ZNF679: variants seen among roughly 807,000 people sequenced by gnomAD.
ZNF679 encodes the protein zinc finger protein 679.
A neutral mutation model predicts 13.4 loss-of-function variants in ZNF679; 10 were observed. The observed-to-expected ratio is 0.75, with a 90% CI of 0.46 to 1.27. The LOEUF is 1.27. Among genes scored for constraint, ZNF679 ranks in the 50% most tolerant of loss-of-function variants. ZNF679 has a pLI of 0.00. For synonymous variants in ZNF679, 179 were observed against 162.5 expected (o/e 1.10, Z -0.77); for missense variants, 525 against 477.8 (o/e 1.10, Z -0.92).
At chr7:64,246,593 T>C (rs768660739) in intron 1 of ZNF679, among the ~76,000 whole-genome samples, 4 of 151,980 alleles carry the variant, frequency 2.6e-5, no homozygotes, top group Admixed American at 2.0e-4. Flanking sequence ...CATGGTGGTG[T>C]GCACCTGTAA....
intron 2 of ZNF679, among the ~76,000 whole-genome samples, chr7:64,252,442 C>T (rs552622588): frequency 7.9e-5 from 12 of 152,192 alleles, no homozygotes; most frequent in African/African-American, 2.2e-4. Flanking sequence ...TGCATTTACC[C>T]TTTTGTTTTT....
chr7:64,248,015 C>T lies in ZNF679; in HGVS notation c.-90-1013C>T, dbSNP rs535672861. Among the ~76,000 whole-genome samples the T allele has an allele frequency of 5.9e-5, 9 of 152,106 alleles. No individual in the cohort carries two copies. In the East Asian group the frequency reaches 1.6e-3, roughly 26 times the overall value. On this transcript the variant is annotated intron_variant, in intron 1 of 4. Transcript: ENST00000421025. The stretch of plus-strand genomic sequence containing the variant: ...TGCTATAAACAAATACCTCAGACTG[C>T]GTACTTTTTTTTTAAGTGGTTTAAT...
chr7:64,244,245 A>G (rs997526235), intron 1 of ZNF679, among the ~76,000 whole-genome samples: 1 of 152,102 alleles, frequency 6.6e-6, no homozygotes, highest in Non-Finnish European at 1.5e-5. Flanking sequence ...GCGAGACTCC[A>G]TCTCACAAAA....
chr7:64,245,877 G>C (rs546793359), intron 1 of ZNF679, among the ~76,000 whole-genome samples: 11 of 152,236 alleles, frequency 7.2e-5, no homozygotes, highest in African/African-American at 2.6e-4. Context: ...GTGGTGGTGG[G>C]TGCCTGTAAT....
chr7:64,238,269 C>CA (rs1176654162), intron 1 of ZNF679, among the ~76,000 whole-genome samples: 1 of 152,168 alleles, frequency 6.6e-6, no homozygotes, highest in African/African-American at 2.4e-5. Flanking sequence ...TTCCACCCTC[C>CA]ATTCTGCCCT....
In ZNF679 at chr7:64,266,739, C is replaced by T. The variant is rs1376883609; in HGVS notation, c.1106C>T (p.Thr369Ile). ...KAFAFSSTLN[T>I]HKRIHTGEEP... ...TTTGCCTTCTCCTCAACTCTTAATA[C>T]TCATAAGAGGATTCATACTGGAGAG... Residue 369 changes from threonine (T) to isoleucine (I), a missense_variant, in exon 5 of 5, where the codon ACT becomes ATT. Transcript: ENST00000421025. The T allele has an allele frequency of 6.2e-7, 1 of 1,610,424 alleles. No homozygotes were observed. Among genetic ancestry groups the T allele is most frequent in the East Asian group, 2.2e-5 (1 of 44,504 alleles).
At chr7:64,263,160 T>A (rs1275531120) in intron 4 of ZNF679, among the ~76,000 whole-genome samples, 1 of 152,166 alleles carries the variant, frequency 6.6e-6, no homozygotes, top group African/African-American at 2.4e-5. Flanking sequence ...AGCACAGTCT[T>A]GGCTTACTGC....
intron 4 of ZNF679, among the ~76,000 whole-genome samples, chr7:64,264,835 A>G (rs1002451046): frequency 6.6e-6 from 1 of 151,624 alleles, no homozygotes; most frequent in Non-Finnish European, 1.5e-5. Context: ...TGTGTTATGG[A>G]TCTTTTTGTG....
chr7:64,260,997 TTAAAA>T, intron 4 of ZNF679, 68 bp downstream of exon 4: 1 of 1,468,254 alleles, frequency 6.8e-7, no homozygotes, highest in Non-Finnish European at 9.2e-7. Flanking sequence ...AAGCCAGTCC[TTAAAA>T]TGTGATTTGG....
intron 3 of ZNF679, among the ~76,000 whole-genome samples, 177 bp downstream of exon 3, chr7:64,260,524 T>C (rs1403194670): frequency 6.6e-6 from 1 of 152,166 alleles, no homozygotes; most frequent in Non-Finnish European, 1.5e-5. Flanking sequence ...ACCTGAACTT[T>C]TCCCTTTCCT....
intron 1 of ZNF679, among the ~76,000 whole-genome samples, chr7:64,247,488 CAT>C (rs1187763318): frequency 4.8e-4 from 73 of 152,206 alleles, no homozygotes; most frequent in African/African-American, 1.7e-3. Flanking sequence ...ATACTAATCA[CAT>C]ATTAAAATAA....
In ZNF679 at chr7:64,266,919, C is replaced by T; in HGVS notation, c.*50C>T. On this transcript the variant is annotated 3_prime_UTR_variant, in exon 5 of 5. Coordinates refer to ENST00000421025, the MANE Select transcript of ZNF679 (RefSeq NM_153363.3). ...CTTATAATACATAAAATAATTTATA[C>T]TTGAAAAAATCACTACAAGTGTAAA... 1 of 1,460,826 alleles carries T rather than the reference C, an allele frequency of 6.8e-7. No homozygotes were observed. Among genetic ancestry groups the T allele is most frequent in the East Asian group, 2.5e-5 (1 of 40,344 alleles). The allele number at this position is 1,460,826 out of a possible 1,614,324, so 90.5% of individuals were successfully genotyped here. A position where few individuals can be genotyped will look rare whatever the true frequency, so the allele number is the denominator to read the frequency against.
At chr7:64,242,483 G>A (rs545823789) in intron 1 of ZNF679, among the ~76,000 whole-genome samples, 44 of 152,238 alleles carry the variant, frequency 2.9e-4, no homozygotes, top group Non-Finnish European at 5.0e-4. Context: ...TTAGGTCCAG[G>A]TAAGGGAGTC....
chr7:64,234,120 G>C (rs753673520), intron 1 of ZNF679, among the ~76,000 whole-genome samples: 3 of 152,174 alleles, frequency 2.0e-5, no homozygotes, highest in African/African-American at 7.2e-5. Flanking sequence ...CCGGGCTGCC[G>C]TGAGACCTAA....
chr7:64,265,360 A>G (rs1788129448), intron 4 of ZNF679, among the ~76,000 whole-genome samples: 1 of 152,164 alleles, frequency 6.6e-6, no homozygotes. Context: ...ACCAGTAGGT[A>G]GCTACTTTCC....
intron 1 of ZNF679, among the ~76,000 whole-genome samples, chr7:64,231,271 A>G (rs572406355): frequency 2.0e-5 from 3 of 152,324 alleles, no homozygotes; most frequent in African/African-American, 7.2e-5. Flanking sequence ...GTTGGGCTTA[A>G]GTGTATGTCA....
intron 2 of ZNF679, among the ~76,000 whole-genome samples, chr7:64,250,109 T>G (rs906212801): frequency 6.6e-6 from 1 of 152,124 alleles, no homozygotes; most frequent in Non-Finnish European, 1.5e-5. Flanking sequence ...ACCAAAGTGC[T>G]GGGATTACAG....
chr7:64,261,827 A>G (rs1788081120), intron 4 of ZNF679, among the ~76,000 whole-genome samples: 1 of 148,960 alleles, frequency 6.7e-6, no homozygotes, highest in African/African-American at 2.5e-5. Flanking sequence ...TTTTATTAAA[A>G]TTTAGTTTAA....
chr7:64,257,171 C>T (rs889988002), intron 2 of ZNF679, among the ~76,000 whole-genome samples: 4 of 152,270 alleles, frequency 2.6e-5, no homozygotes, highest in Admixed American at 2.6e-4. Flanking sequence ...GTAATTATAA[C>T]ATCAGGTTTG....
Sources: gnomAD v4.1 joint callset for allele counts (sites outside exome capture counted in the v4.1 genomes callset) on GRCh38, gnomAD v4.1.1 for gene constraint, MANE v1.5 for transcripts, NCBI Gene and HGNC (gene_info 2026-07-23, HGNC 2026-07-21) for gene names.